ZNF521: variants seen among roughly 807,000 people sequenced by gnomAD.
ZNF521 encodes the protein LYST-interacting protein 3.
Under a neutral mutation model 105.5 loss-of-function variants are expected in ZNF521, and 14 were observed. The ratio of observed to expected loss-of-function variants is 0.13; its 90% CI spans 0.09 to 0.21. The LOEUF (loss-of-function observed/expected upper bound fraction) is 0.21, where lower values mean the gene tolerates loss of function less well. Ranked by LOEUF, ZNF521 falls within the 10% of genes least tolerant of loss-of-function variation. The pLI, the probability that ZNF521 is intolerant of heterozygous loss-of-function variation, is 1.00. For missense variants in ZNF521, 1,233 were observed against 1,629.7 expected (o/e 0.76, Z 4.19); for synonymous variants, 635 against 606.0 (o/e 1.05, Z -0.70).
chr18:25,113,612 T>C (rs2034239598), intron 5 of ZNF521, among the ~76,000 whole-genome samples: 1 of 151,394 alleles, frequency 6.6e-6, no homozygotes, highest in African/African-American at 2.4e-5. Context: ...AAAATCATTC[T>C]GGTTGAAAGG....
At chr18:25,152,623 C>T (rs1175871000) in intron 5 of ZNF521, among the ~76,000 whole-genome samples, 1 of 151,948 alleles carries the variant, frequency 6.6e-6, no homozygotes, top group Non-Finnish European at 1.5e-5. Flanking sequence ...AAAAGTTTTA[C>T]ATCGGGTACA....
At chr18:25,138,689 T>C (rs148852679) in intron 5 of ZNF521, among the ~76,000 whole-genome samples, 2 of 152,168 alleles carry the variant, frequency 1.3e-5, no homozygotes, top group Admixed American at 6.5e-5. Flanking sequence ...CAAATTATAA[T>C]AATTTTGTCC....
At chr18:25,100,516 C>T (rs568859421) in intron 5 of ZNF521, among the ~76,000 whole-genome samples, 1 of 152,134 alleles carries the variant, frequency 6.6e-6, no homozygotes, top group African/African-American at 2.4e-5. Flanking sequence ...GGGCCAAAAT[C>T]TCTCTAATTT....
intron 3 of ZNF521, among the ~76,000 whole-genome samples, chr18:25,254,493 AT>A (rs1288390423): frequency 2.0e-5 from 3 of 152,252 alleles, no homozygotes; most frequent in African/African-American, 7.2e-5. Flanking sequence ...TTTAAAATCA[AT>A]TAAGTTTCTT....
intron 5 of ZNF521, among the ~76,000 whole-genome samples, chr18:25,153,847 G>A (rs1046441714): frequency 3.3e-5 from 5 of 151,934 alleles, no homozygotes; most frequent in South Asian, 2.1e-4. Flanking sequence ...TAAAGGAAGC[G>A]ACAAAGGTTC....
chr18:25,286,723 G>A (rs185578102), intron 3 of ZNF521, among the ~76,000 whole-genome samples: 6 of 152,156 alleles, frequency 3.9e-5, no homozygotes, highest in Non-Finnish European at 8.8e-5. Context: ...AAAGAAAAAC[G>A]GGATTTGAAG....
At chr18:25,335,308 T>C (rs532493746) in intron 2 of ZNF521, among the ~76,000 whole-genome samples, 7 of 152,300 alleles carry the variant, frequency 4.6e-5, no homozygotes, top group African/African-American at 1.7e-4. Context: ...TGGTGTGACC[T>C]GGAATACGTA....
chr18:25,327,715 A>G (rs1452568574), intron 2 of ZNF521: 6 of 518,402 alleles, frequency 1.2e-5, no homozygotes, highest in Non-Finnish European at 2.3e-5. Context: ...AAACAGATTT[A>G]GGGGAAATAA....
intron 5 of ZNF521, among the ~76,000 whole-genome samples, chr18:25,182,584 A>G (rs1399682169): frequency 6.6e-6 from 1 of 152,208 alleles, no homozygotes; most frequent in Non-Finnish European, 1.5e-5. Context: ...AATTCTTGGT[A>G]TGAACATATA....
intron 3 of ZNF521, among the ~76,000 whole-genome samples, chr18:25,279,998 A>G (rs1910264927): frequency 6.6e-6 from 1 of 152,200 alleles, no homozygotes; most frequent in African/African-American, 2.4e-5. Flanking sequence ...AAAGGATATG[A>G]TATCACATTA....
chr18:25,272,818 G>C (rs957168097), intron 3 of ZNF521, among the ~76,000 whole-genome samples: 1 of 151,930 alleles, frequency 6.6e-6, no homozygotes, highest in Non-Finnish European at 1.5e-5. Flanking sequence ...GTAGATGACG[G>C]GTTGATAGGT....
At chr18:25,278,252 G>A (rs1910156097) in intron 3 of ZNF521, among the ~76,000 whole-genome samples, 1 of 152,132 alleles carries the variant, frequency 6.6e-6, no homozygotes, top group Non-Finnish European at 1.5e-5. Context: ...CCTCTACCGA[G>A]AATCCAATTT....
At chr18:25,255,651 T>C (rs1234552402) in intron 3 of ZNF521, among the ~76,000 whole-genome samples, 1 of 152,078 alleles carries the variant, frequency 6.6e-6, no homozygotes, top group African/African-American at 2.4e-5. Flanking sequence ...GTACCTACCA[T>C]GATGAGGCAC....
At chr18:25,189,090 T>C (rs530305394) in intron 5 of ZNF521, among the ~76,000 whole-genome samples, 7 of 152,316 alleles carry the variant, frequency 4.6e-5, no homozygotes, top group African/African-American at 1.7e-4. Flanking sequence ...GAAGACTTTA[T>C]CCCAGGTTCC....
At chr18:25,252,354 T>C (rs1908179523) in intron 3 of ZNF521, among the ~76,000 whole-genome samples, 1 of 152,148 alleles carries the variant, frequency 6.6e-6, no homozygotes, top group Non-Finnish European at 1.5e-5. Context: ...CTTCTGCAAA[T>C]ACCTAGTTTT....
At chr18:25,321,577 G>A (rs1041146160) in intron 3 of ZNF521, among the ~76,000 whole-genome samples, 8 of 152,096 alleles carry the variant, frequency 5.3e-5, no homozygotes, top group Admixed American at 4.6e-4. Flanking sequence ...GAACTTTATG[G>A]GAACACAAAA....
chr18:25,309,732 T>C (rs1025510551), intron 3 of ZNF521, among the ~76,000 whole-genome samples: 25 of 152,144 alleles, frequency 1.6e-4, no homozygotes, highest in Non-Finnish European at 3.2e-4. Flanking sequence ...AAAAGCATTC[T>C]CAAGAGTCTG....
intron 5 of ZNF521, among the ~76,000 whole-genome samples, chr18:25,110,765 C>A (rs931639798): frequency 1.3e-5 from 2 of 151,754 alleles, no homozygotes; most frequent in Admixed American, 6.6e-5. Context: ...AACATTTCCC[C>A]CTCCTTTTTT....
intron 3 of ZNF521, among the ~76,000 whole-genome samples, chr18:25,296,645 T>C (rs1026783227): frequency 3.9e-5 from 6 of 152,144 alleles, no homozygotes. Context: ...CACATCTAAC[T>C]TTCTTTCTGG....
Sources: allele counts gnomAD v4.1 joint callset (sites outside exome capture counted in the v4.1 genomes callset), GRCh38; gene constraint gnomAD v4.1.1; transcripts MANE v1.5; gene names NCBI Gene and HGNC (gene_info 2026-07-23, HGNC 2026-07-21).